PPARGC1A: variants seen among roughly 807,000 people sequenced by gnomAD.
PPARGC1A encodes PPARG coactivator 1 alpha.
A neutral mutation model predicts 88.7 loss-of-function variants in PPARGC1A; 25 were observed. The observed-to-expected ratio is 0.28, with a 90% CI of 0.21 to 0.39. PPARGC1A has a LOEUF of 0.39. PPARGC1A is among the 10% of genes least tolerant of loss of function. The pLI is 1.00. For missense variants in PPARGC1A, 880 were observed against 968.7 expected (o/e 0.91, Z 1.22); for synonymous variants, 363 against 355.6 (o/e 1.02, Z -0.24).
At chr4:24,018,772 T>A in the PPARGC1A span, among the ~76,000 whole-genome samples, 1 of 152,144 alleles carries the variant, frequency 6.6e-6, no homozygotes. Context: ...TTCACTCTTT[T>A]TTTTTTCACC....
upstream of PPARGC1A, among the ~76,000 whole-genome samples, chr4:23,908,277 G>T (rs1720309661): frequency 6.6e-6 from 1 of 152,006 alleles, no homozygotes; most frequent in Admixed American, 6.5e-5. Context: ...CCAAAAATAG[G>T]CGAAATGCAG....
At chr4:24,225,538 AAC>A in the PPARGC1A span, among the ~76,000 whole-genome samples, 4 of 151,718 alleles carry the variant, frequency 2.6e-5, no homozygotes, top group African/African-American at 7.3e-5. Flanking sequence ...TCAAAAAAAA[AAC>A]ACACACACAC....
chr4:24,128,083 T>C, the PPARGC1A span, among the ~76,000 whole-genome samples: 1 of 152,120 alleles, frequency 6.6e-6, no homozygotes, highest in African/African-American at 2.4e-5. Context: ...ATCCTCCATA[T>C]ATATCTGCGG....
the PPARGC1A span, among the ~76,000 whole-genome samples, chr4:24,325,026 G>C: frequency 3.3e-5 from 5 of 151,952 alleles, no homozygotes. Flanking sequence ...TCCCCCACCT[G>C]CCCAGCAATT....
chr4:23,925,538 A>T, the PPARGC1A span, among the ~76,000 whole-genome samples: 1 of 152,156 alleles, frequency 6.6e-6, no homozygotes, highest in Admixed American at 6.5e-5. Flanking sequence ...AAAATAAAAG[A>T]GATTGAGGAC....
the PPARGC1A span, among the ~76,000 whole-genome samples, chr4:23,932,340 G>T: frequency 1.5e-4 from 23 of 152,016 alleles, no homozygotes; most frequent in African/African-American, 5.5e-4. Context: ...TCCTCCTCCT[G>T]CCTCCAGGGA....
At chr4:24,289,242 A>AAAAAAG in the PPARGC1A span, among the ~76,000 whole-genome samples, 23 of 95,806 alleles carry the variant, frequency 2.4e-4, no homozygotes, top group African/African-American at 5.7e-4. Context: ...AAAAAAAAAA[A>AAAAAAG]AGAGAGAGAG....
At chr4:24,337,238 T>C in the PPARGC1A span, among the ~76,000 whole-genome samples, 10 of 152,206 alleles carry the variant, frequency 6.6e-5, no homozygotes, top group Admixed American at 6.5e-4. Flanking sequence ...CCCCACCCAA[T>C]TCCACCTGTG....
chr4:23,813,079 G>A lies in PPARGC1A; in HGVS notation c.1840C>T (p.Arg614Ter), dbSNP rs574257916. The change falls in exon 9 of 13, where the codon CGA becomes TGA. Residue 614 changes from arginine to a stop codon, truncating the protein, a stop_gained. Transcript: ENST00000264867. LOFTEE classifies it high-confidence loss of function. ...ESSHYRHRTH[R>*]NSPLYVRSRS... ...GATCTCACATACAAGGGAGAATTTC[G>A]GTGCGTGCGGTGTCTGTAGTGGCTT... 1.2e-6 allele frequency: 2 copies of A among 1,614,058 alleles called. No individual in the cohort carries two copies. Among genetic ancestry groups the A allele is most frequent in the Non-Finnish European group, 1.7e-6 (2 of 1,179,974 alleles).
chr4:23,856,672 C>T (rs1350683183), intron 2 of PPARGC1A, among the ~76,000 whole-genome samples: 2 of 152,090 alleles, frequency 1.3e-5, no homozygotes, highest in African/African-American at 2.4e-5. Flanking sequence ...ATATCATGTG[C>T]TAGAAACTGC....
chr4:24,054,196 G>T, the PPARGC1A span, among the ~76,000 whole-genome samples: 1 of 151,610 alleles, frequency 6.6e-6, no homozygotes, highest in Non-Finnish European at 1.5e-5. Context: ...TTAAGAAGAG[G>T]TATCCTAAGG....
At chr4:24,051,418 G>A in the PPARGC1A span, among the ~76,000 whole-genome samples, 6 of 152,070 alleles carry the variant, frequency 3.9e-5, no homozygotes, top group Admixed American at 6.6e-5. Context: ...TTATTGTTCA[G>A]TTACTCTATG....
the PPARGC1A span, among the ~76,000 whole-genome samples, chr4:24,274,503 A>G: frequency 6.6e-6 from 1 of 152,372 alleles, no homozygotes; most frequent in Admixed American, 6.5e-5. Flanking sequence ...CAGTATGTAA[A>G]CAAATGAGCA....
At chr4:24,277,053 G>A in the PPARGC1A span, among the ~76,000 whole-genome samples, 1 of 152,164 alleles carries the variant, frequency 6.6e-6, no homozygotes, top group African/African-American at 2.4e-5. Flanking sequence ...GTATTCATTT[G>A]TGGAAACATA....
the PPARGC1A span, among the ~76,000 whole-genome samples, chr4:24,049,255 T>C: frequency 1.4e-4 from 20 of 143,202 alleles, no homozygotes; most frequent in Non-Finnish European, 1.5e-5. Context: ...TACACATATA[T>C]GTATATAAAT....
the PPARGC1A span, among the ~76,000 whole-genome samples, chr4:24,397,208 A>G: frequency 6.6e-6 from 1 of 152,218 alleles, no homozygotes; most frequent in Non-Finnish European, 1.5e-5. Flanking sequence ...TGACAATATT[A>G]CAAAACTTAT....
chr4:24,379,914 G>T, the PPARGC1A span, among the ~76,000 whole-genome samples: 4 of 151,816 alleles, frequency 2.6e-5, no homozygotes, highest in African/African-American at 9.7e-5. Flanking sequence ...AAGTAGCTGG[G>T]ATTACAGACG....
At chr4:23,826,452 G>C (rs915007815) in intron 5 of PPARGC1A, among the ~76,000 whole-genome samples, 7 of 152,088 alleles carry the variant, frequency 4.6e-5, no homozygotes, top group Non-Finnish European at 8.8e-5. Context: ...ACACAACCAT[G>C]GCTAGACAAT....
the PPARGC1A span, among the ~76,000 whole-genome samples, chr4:23,979,934 T>C: frequency 6.8e-4 from 104 of 152,198 alleles, no homozygotes; most frequent in Middle Eastern, 3.4e-3. Flanking sequence ...AACAGCCTTA[T>C]TGGGGCTGCT....
Sources: allele counts gnomAD v4.1 joint callset (sites outside exome capture counted in the v4.1 genomes callset), GRCh38; gene constraint gnomAD v4.1.1; transcripts MANE v1.5; gene names NCBI Gene and HGNC (gene_info 2026-07-23, HGNC 2026-07-21).